The following KDM5C variants were observed in gnomAD, a reference collection of about 807,000 sequenced individuals.
The protein encoded by KDM5C is lysine demethylase 5C, also known as lysine-specific demethylase 5C.
A neutral mutation model predicts 110.6 loss-of-function variants in KDM5C; 16 were observed. The ratio of observed to expected loss-of-function variants is 0.14; its 90% CI spans 0.10 to 0.22. The LOEUF (loss-of-function observed/expected upper bound fraction) is 0.22. Among genes scored for constraint, KDM5C ranks in the 10% least tolerant of loss-of-function variants. KDM5C has a pLI of 1.00. For synonymous variants in KDM5C, 511 were observed against 520.4 expected (o/e 0.98, Z 0.24); for missense variants, 681 against 1,300.9 (o/e 0.52, Z 7.33).
chrX:53,208,880 A>G (rs1212296631), intron 12 of KDM5C, among the ~76,000 whole-genome samples: 5 of 94,965 alleles, frequency 5.3e-5, no homozygotes, highest in Non-Finnish European at 4.1e-5. Context: ...CAGTGGTACA[A>G]TCTCGGCTCA....
intron 8 of KDM5C, 107 bp from the exon 9 acceptor site, chrX:53,212,013 C>T: frequency 1.0e-6 from 1 of 994,687 alleles, no homozygotes; most frequent in Non-Finnish European, 1.4e-6. Context: ...AGCCCTAGGT[C>T]TGCACTCAAG....
At chrX:53,180,471 A>G (rs1179612059) in intron 25 of KDM5C, among the ~76,000 whole-genome samples, 1 of 110,710 alleles carries the variant, frequency 9.0e-6, no homozygotes, top group Non-Finnish European at 1.9e-5. Flanking sequence ...CGAATGTACC[A>G]CTCTGCTGGG....
chrX:53,197,778 T>C lies in KDM5C; in HGVS notation c.2615A>G (p.Asp872Gly). The change falls in exon 18 of 26, where the codon GAT becomes GGT. Residue 872 changes from aspartate to glycine, a missense_variant. By Grantham distance (94) the Asp-to-Gly change is moderately conservative. Transcript: ENST00000375401. The part of the protein sequence containing the change: ...NLPCAMHQIG[D>G]VKGVLEQVEA... ...CACTCCAAGCGTCCTCACCTTGACA[T>C]CCCCAATCTGGTGCATGGCGCAAGG... The C allele has an allele frequency of 2.5e-6, 3 of 1,202,001 alleles. No individual in the cohort carries two copies. Among genetic ancestry groups the C allele is most frequent in the Non-Finnish European group, 3.4e-6 (3 of 889,702 alleles).
Position 53,192,679 on chromosome X carries a change from C to A in KDM5C, c.*288G>T. 9.0e-7 allele frequency: 1 copy of A among 1,110,856 alleles called. No individual in the cohort carries two copies. Among genetic ancestry groups the A allele is most frequent in the Non-Finnish European group, 1.2e-6 (1 of 825,018 alleles). The allele number at this position is 1,110,856 out of a possible 1,213,427, so 91.5% of individuals were successfully genotyped here. A position where few individuals can be genotyped will look rare whatever the true frequency, so the allele number is the denominator to read the frequency against. ...TGGAATGGTGATGGCCCAGCCCCAG[C>A]CACCCCCCTGCCCACCAGCCCATCC... On this transcript the variant is annotated 3_prime_UTR_variant, in exon 26 of 26. Transcript: ENST00000375401.
chrX:53,198,046 T>C (rs1375203595), intron 17 of KDM5C, among the ~76,000 whole-genome samples, 170 bp from the exon 18 acceptor site: 5 of 112,141 alleles, frequency 4.5e-5, no homozygotes, highest in Admixed American at 3.8e-4. Context: ...ATAGAGCATG[T>C]TCATATTATG....
intron 14 of KDM5C, among the ~76,000 whole-genome samples, chrX:53,201,072 T>C (rs782084879): frequency 9.7e-5 from 11 of 112,864 alleles, no homozygotes; most frequent in Non-Finnish European, 1.7e-4. Context: ...ATGGCTTTCA[T>C]ATAAATCACC....
rs1556852755 is a variant in KDM5C at position 53,217,802 on chromosome X, G to A, written c.516C>T (p.Asn172=). The change falls in exon 4 of 26, where the codon AAC becomes AAT. Residue 172 remains asparagine (N), a synonymous_variant. Coordinates refer to ENST00000375401, the MANE Select transcript of KDM5C (RefSeq NM_004187.5). ...YPYEMYQSGA[N]LVQCNTRPFD... is the part of the protein sequence containing the mutation. ...CCCACTGTGACATCCTTACCACAAGGTTGGCTCCAGACTGGTACATTTCAT... is the reference window on the plus strand; with the variant it reads ...CCCACTGTGACATCCTTACCACAAGATTGGCTCCAGACTGGTACATTTCAT... The A allele has an allele frequency of 7.4e-6, 9 of 1,211,398 alleles. 1 individual carries two copies. The highest frequency in any genetic ancestry group is 3.5e-5 in the South Asian group (2 of 56,984).
intron 1 of KDM5C, among the ~76,000 whole-genome samples, chrX:53,221,437 C>T (rs1218263498): frequency 8.9e-5 from 10 of 111,750 alleles, no homozygotes; most frequent in African/African-American, 2.9e-4. Context: ...CTAGCCCTGG[C>T]TTCCTTGCCA....
At chrX:53,195,806 CCT>C in intron 20 of KDM5C, 108 bp downstream of exon 20, 3 of 862,374 alleles carry the variant, frequency 3.5e-6, no homozygotes, top group Non-Finnish European at 5.0e-6. Context: ...ATGCCCCCTT[CCT>C]CTCTCCAGCC....
In KDM5C at chrX:53,197,689, C is replaced by T. The variant is rs1459896791; in HGVS notation, c.2622+82G>A. ...TCCTGTCTTGCCTGAACACTTTAAG[C>T]TTTTGAAAGGAGCCAAGCATGGCCT... On this transcript the variant is annotated intron_variant, in intron 18 of 25. Transcript: ENST00000375401. 5 of 800,075 alleles carry T rather than the reference C, an allele frequency of 6.2e-6. No individual in the cohort carries two copies. In the African/African-American group the frequency reaches 8.2e-5, roughly 13 times the overall value. The allele number at this position is 800,075 out of a possible 1,213,427, so 65.9% of individuals were successfully genotyped here. A position where few individuals can be genotyped will look rare whatever the true frequency, so the allele number is the denominator to read the frequency against.
Position 53,194,594 on chromosome X carries a change from C to G in KDM5C, c.3583G>C (p.Ala1195Pro). ...TSICVCGQVLAGAGALQCDLC... is the reference protein window; with the variant it reads ...TSICVCGQVLPGAGALQCDLC... The stretch of plus-strand genomic sequence containing the variant: ...TCACACTGCAGAGCTCCCGCCCCAG[C>G]CAGCACCTGCCCACACACACAGATA... The change falls in exon 23 of 26, where the codon GCT becomes CCT. Residue 1195 changes from alanine (A) to proline (P), a missense_variant. This residue lies in a region of KDM5C where 48 missense variants were observed against 59.7 expected (regional missense o/e 0.80). Coordinates refer to ENST00000375401, the MANE Select transcript of KDM5C (RefSeq NM_004187.5). 1 of 1,212,078 alleles carries G rather than the reference C, an allele frequency of 8.3e-7. No individual in the cohort carries two copies. The highest frequency in any genetic ancestry group is 3.0e-5 in the East Asian group (1 of 33,829).
intron 23 of KDM5C, 94 bp from the exon 24 acceptor site, chrX:53,193,945 T>C: frequency 1.0e-6 from 1 of 980,881 alleles, no homozygotes; most frequent in South Asian, 2.0e-5. Flanking sequence ...ACCCTCCGCC[T>C]TCTGGAGGAG....
rs1556832907 is a variant in KDM5C at position 53,193,533 on chromosome X, G to C, written c.4221C>G (p.Asp1407Glu). 8.3e-7 allele frequency: 1 copy of C among 1,211,890 alleles called. No homozygotes were observed. Among genetic ancestry groups the C allele is most frequent in the East Asian group, 3.0e-5 (1 of 33,820 alleles). ...APLEELMMEGDLLEVTLDENH... is the reference protein window; with the variant it reads ...APLEELMMEGELLEVTLDENH... ...TCTCATCCAGGGTCACCTCGAGCAG[G>C]TCCCCCTCCATCATGAGCTCCTCCA... Residue 1407 changes from aspartate (D) to glutamate (E), a missense_variant, in exon 25 of 26, where the codon GAC becomes GAG. Physicochemically the swap from Asp to Glu is conservative, Grantham distance 45. This residue lies in a region of KDM5C where 88 missense variants were observed against 85.6 expected (regional missense o/e 1.03). Transcript: ENST00000375401.
Position 53,215,839 on chromosome X carries a change from T to C in KDM5C, c.919A>G (p.Lys307Glu). Residue 307 changes from lysine to glutamate, a missense_variant, in exon 7 of 26, where the codon AAG (lysine) becomes GAG (glutamate). Lys to Glu is a moderately conservative substitution (Grantham distance 56, BLOSUM62 1). This residue lies in a region of KDM5C where 71 missense variants were observed against 115.0 expected (regional missense o/e 0.62). Coordinates refer to ENST00000375401, the MANE Select transcript of KDM5C (RefSeq NM_004187.5). ...ELSHSPEPCT[K>E]MTMRLRRNHS... ...TTCCTCCGTAGCCTCATGGTCATCT[T>C]GGTGCAGGGTTCTGGGCTGTGACTC... 2.5e-6 allele frequency: 3 copies of C among 1,211,942 alleles called. No individual in the cohort carries two copies. The highest frequency in any genetic ancestry group is 3.3e-6 in the Non-Finnish European group (3 of 895,538).
intron 5 of KDM5C, among the ~76,000 whole-genome samples, 164 bp from the exon 6 acceptor site, chrX:53,216,361 A>C (rs374079082): frequency 8.9e-6 from 1 of 112,420 alleles, no homozygotes; most frequent in East Asian, 2.8e-4. Context: ...GACTGAGGGT[A>C]GGTGAGCTGC....
chrX:53,215,696 G>T, intron 7 of KDM5C, 99 bp downstream of exon 7: 1 of 950,400 alleles, frequency 1.1e-6, no homozygotes, highest in Non-Finnish European at 1.5e-6. Flanking sequence ...ATGGAGGCCC[G>T]CTTTTGTGGT....
Position 53,196,000 on chromosome X carries a change from G to C in KDM5C, c.3036C>G (p.Ile1012Met), listed in dbSNP as rs782693299. 1 of 1,211,785 alleles carries C rather than the reference G, an allele frequency of 8.3e-7. No individual in the cohort carries two copies. The highest frequency in any genetic ancestry group is 1.1e-6 in the Non-Finnish European group (1 of 895,217). ...LEAIIREAEN[I>M]PVHLPNIQAL... Reference sequence around the variant, plus strand: ...CCTGGATGTTGGGCAGGTGAACAGGGATGTTTTCCGCTTCACGGATTATGG... The same window carrying C: ...CCTGGATGTTGGGCAGGTGAACAGGCATGTTTTCCGCTTCACGGATTATGG... Residue 1012 changes from isoleucine to methionine, a missense_variant, in exon 20 of 26, where the codon ATC (isoleucine) becomes ATG (methionine). Ile to Met is a conservative substitution (Grantham distance 10). Around this residue, in one of 14 missense-constraint regions of KDM5C, gnomAD observed 66 missense variants for 162.9 expected, o/e 0.41. Coordinates refer to ENST00000375401, the MANE Select transcript of KDM5C (RefSeq NM_004187.5).
intron 21 of KDM5C, 38 bp from the exon 22 acceptor site, chrX:53,195,106 C>A: frequency 3.3e-6 from 4 of 1,194,839 alleles, no homozygotes; most frequent in Non-Finnish European, 4.5e-6. Flanking sequence ...GACTGGGCTT[C>A]CCTTACATCC....
In KDM5C at chrX:53,201,561, G is replaced by C. The variant is rs2146864087; in HGVS notation, c.2050C>G (p.Leu684Val). ...GGTACTCTCCCCACCTTCTCCAGCA[G>C]GGCCTTTCGTAGACGCCGCTCTTCT... ...VQEERRLRKALLEKGITEAER... is the reference protein window; with the variant it reads ...VQEERRLRKAVLEKGITEAER... Residue 684 changes from leucine (L) to valine (V), a missense_variant, in exon 14 of 26, where the codon CTG becomes GTG. This residue lies in a region of KDM5C where 42 missense variants were observed against 98.9 expected (regional missense o/e 0.42). Transcript: ENST00000375401. The C allele has an allele frequency of 8.3e-7, 1 of 1,211,618 alleles. No individual in the cohort carries two copies. The highest frequency in any genetic ancestry group is 1.1e-6 in the Non-Finnish European group (1 of 895,287).
Sources: gnomAD v4.1 joint callset for allele counts (sites outside exome capture counted in the v4.1 genomes callset) on GRCh38, gnomAD v4.1.1 for gene constraint, gnomAD v4.1.1 regional missense constraint, MANE v1.5 for transcripts, NCBI Gene and HGNC (gene_info 2026-07-23, HGNC 2026-07-21) for gene names.